The following CDK14 variants were observed in gnomAD, a reference collection of about 807,000 sequenced individuals.
CDK14 encodes the protein cyclin-dependent kinase 14.
CDK14 carries 34 observed loss-of-function variants against 60.7 expected under a neutral mutation model. The observed-to-expected ratio is 0.56, with a 90% CI of 0.43 to 0.75. The LOEUF is 0.75. CDK14 is among the 30% of genes least tolerant of loss of function. The probability of loss-of-function intolerance (pLI) is 0.00; values close to 1 mark genes in which losing one functional copy is unlikely to be tolerated. For synonymous variants in CDK14, 197 were observed against 203.7 expected, an observed-to-expected ratio of 0.97 and a Z score of 0.28; for missense variants, 482 against 564.1, an observed-to-expected ratio of 0.85 and a Z score of 1.47.
At chr7:90,654,633 G>T (rs934776090) in intron 2 of CDK14, among the ~76,000 whole-genome samples, 1 of 152,136 alleles carries the variant, frequency 6.6e-6, no homozygotes, top group Non-Finnish European at 1.5e-5. Context: ...GTTTGGGAAG[G>T]CCTGTCAGTT....
At chr7:90,645,058 A>G (rs4728915) in intron 2 of CDK14, among the ~76,000 whole-genome samples, 47,059 of 152,076 alleles carry the variant, frequency 0.31, 8,206 homozygotes, top group East Asian at 0.67. Flanking sequence ...AATGTGGTAG[A>G]CATTTCTGTA....
chr7:91,054,841 A>G (rs2116072343), intron 11 of CDK14, among the ~76,000 whole-genome samples: 1 of 152,302 alleles, frequency 6.6e-6, no homozygotes, highest in East Asian at 1.9e-4. Flanking sequence ...GCGGCAAGAA[A>G]CAATTCAGGG....
At chr7:90,633,522 AGTTTAT>A (rs1267960299) in intron 2 of CDK14, among the ~76,000 whole-genome samples, 1 of 152,154 alleles carries the variant, frequency 6.6e-6, no homozygotes, top group Non-Finnish European at 1.5e-5. Context: ...GAATCACCAT[AGTTTAT>A]GTTTAAGGAA....
At chr7:90,682,821 A>T (rs1275857912) in intron 2 of CDK14, among the ~76,000 whole-genome samples, 1 of 152,148 alleles carries the variant, frequency 6.6e-6, no homozygotes, top group Admixed American at 6.5e-5. Context: ...AGGTCTTTTT[A>T]AAAATGGAAT....
intron 2 of CDK14, among the ~76,000 whole-genome samples, chr7:90,633,519 C>G (rs1429551815): frequency 4.6e-5 from 7 of 152,054 alleles, no homozygotes; most frequent in African/African-American, 1.7e-4. Context: ...ATGGAATCAC[C>G]ATAGTTTATG....
Position 91,136,158 on chromosome 7 carries a change from C to T in CDK14, c.*28+17950C>T, listed in dbSNP as rs12112977. Among the ~76,000 whole-genome samples, 1,067 of 152,238 alleles carry T rather than the reference C, an allele frequency of 7.0e-3. 5 individuals are homozygous for T. Among genetic ancestry groups the T allele is most frequent in the African/African-American group, 0.024 (992 of 41,540 alleles). On this transcript the variant is annotated intron_variant, in intron 14 of 14. Coordinates refer to ENST00000380050, the MANE Select transcript of CDK14 (RefSeq NM_001287135.2). ...TGGCAGTTCAAGTTGTCTTAGCACC[C>T]GACCAGCCTTGTCTTTTATCTGGCA...
intron 12 of CDK14, among the ~76,000 whole-genome samples, chr7:91,097,603 A>G (rs79306836): frequency 8.6e-5 from 13 of 151,334 alleles, no homozygotes; most frequent in Admixed American, 8.6e-4. Context: ...GAAAAAAAAA[A>G]CAAGCTATAA....
At chr7:90,942,370 A>G (rs1482514378) in intron 8 of CDK14, among the ~76,000 whole-genome samples, 1 of 152,220 alleles carries the variant, frequency 6.6e-6, no homozygotes, top group Non-Finnish European at 1.5e-5. Flanking sequence ...TGGGTGAGAA[A>G]TCAGAGGCAC....
At chr7:90,725,566 G>T (rs993163051) in intron 2 of CDK14, among the ~76,000 whole-genome samples, 39 of 152,146 alleles carry the variant, frequency 2.6e-4, no homozygotes, top group African/African-American at 8.9e-4. Flanking sequence ...AATATCTTCG[G>T]TTTTTCTGCT....
At chr7:91,014,281 G>A (rs541644790) in intron 10 of CDK14, among the ~76,000 whole-genome samples, 1 of 152,166 alleles carries the variant, frequency 6.6e-6, no homozygotes, top group East Asian at 1.9e-4. Context: ...GCACTAGTTG[G>A]CCCCCTTGCT....
intron 5 of CDK14, among the ~76,000 whole-genome samples, chr7:90,836,632 A>G (rs1790109123): frequency 6.6e-6 from 1 of 152,216 alleles, no homozygotes; most frequent in Non-Finnish European, 1.5e-5. Flanking sequence ...CACTAACATA[A>G]TGATAAAAAT....
intron 6 of CDK14, among the ~76,000 whole-genome samples, chr7:90,869,796 G>A (rs1791307056): frequency 6.6e-6 from 1 of 152,216 alleles, no homozygotes; most frequent in Non-Finnish European, 1.5e-5. Flanking sequence ...CCAGACCAGA[G>A]CCAAAATCAT....
At position 91,210,113 on chromosome 7, in the gene CDK14, A is replaced by T. The variant is rs1803021553; in HGVS notation, c.*2977A>T. ...CCCCTTATACATAGGAATATGCTGCATAATTGCGCATAACTTCCATCTCCC... is the reference window on the plus strand; with the variant it reads ...CCCCTTATACATAGGAATATGCTGCTTAATTGCGCATAACTTCCATCTCCC... On this transcript the variant is annotated 3_prime_UTR_variant, in exon 15 of 15. Coordinates refer to ENST00000380050, the MANE Select transcript of CDK14 (RefSeq NM_001287135.2). 6.6e-6 allele frequency: 1 copy of T among 152,654 alleles called. No homozygotes were observed. The highest frequency in any genetic ancestry group is 1.5e-5 in the Non-Finnish European group (1 of 68,046). 9.5% of individuals were successfully genotyped at this position (152,654 alleles called of 1,614,324 possible).
intron 8 of CDK14, among the ~76,000 whole-genome samples, chr7:90,925,138 A>G (rs547985179): frequency 6.6e-6 from 1 of 152,352 alleles, no homozygotes; most frequent in Non-Finnish European, 1.5e-5. Flanking sequence ...AAAAATTCAA[A>G]CTTTAAAAAT....
intron 4 of CDK14, among the ~76,000 whole-genome samples, chr7:90,761,433 T>G (rs1391749069): frequency 6.6e-6 from 1 of 152,100 alleles, no homozygotes; most frequent in African/African-American, 2.4e-5. Context: ...AAGTGGTTTT[T>G]GAGGAGGACT....
At chr7:90,974,311 TACAA>T (rs1379480212) in intron 9 of CDK14, among the ~76,000 whole-genome samples, 5 of 152,142 alleles carry the variant, frequency 3.3e-5, no homozygotes, top group Non-Finnish European at 5.9e-5. Context: ...ACACATGTTT[TACAA>T]ACAATTTGTA....
At chr7:91,055,577 C>T (rs559337409) in intron 11 of CDK14, among the ~76,000 whole-genome samples, 1 of 152,132 alleles carries the variant, frequency 6.6e-6, no homozygotes, top group South Asian at 2.1e-4. Context: ...TAGTTCTACT[C>T]GCTGGAATTT....
chr7:91,114,524 C>G (rs1209679168), intron 13 of CDK14, among the ~76,000 whole-genome samples: 1 of 152,088 alleles, frequency 6.6e-6, no homozygotes, highest in Non-Finnish European at 1.5e-5. Flanking sequence ...CTGCATTAAT[C>G]CCTTTATCAG....
chr7:91,168,407 A>G (rs1448886020), intron 14 of CDK14, among the ~76,000 whole-genome samples: 1 of 152,248 alleles, frequency 6.6e-6, no homozygotes, highest in Non-Finnish European at 1.5e-5. Context: ...ATTCAGGTAT[A>G]TATTTATTAC....
Sources: gnomAD v4.1 joint callset for allele counts (sites outside exome capture counted in the v4.1 genomes callset) on GRCh38, gnomAD v4.1.1 for gene constraint, MANE v1.5 for transcripts, NCBI Gene and HGNC (gene_info 2026-07-23, HGNC 2026-07-21) for gene names.